SYN2: variants seen among roughly 807,000 people sequenced by gnomAD.
The protein encoded by SYN2 is synapsin-2.
A neutral mutation model predicts 50.9 loss-of-function variants in SYN2; 19 were observed. The ratio of observed to expected loss-of-function variants is 0.37; its 90% CI spans 0.26 to 0.55. SYN2 has a LOEUF of 0.55. SYN2 is among the 20% of genes least tolerant of loss of function. SYN2 has a pLI of 0.81. For missense variants in SYN2, 587 were observed against 576.4 expected (o/e 1.02, Z -0.19); for synonymous variants, 255 against 224.9 (o/e 1.13, Z -1.20).
chr3:12,050,340 A>ATTT (rs397877649), intron 1 of SYN2, among the ~76,000 whole-genome samples: 78 of 113,316 alleles, frequency 6.9e-4, no homozygotes, highest in African/African-American at 2.1e-3. Flanking sequence ...GTTTGGAATG[A>ATTT]TTTTTTTTTT....
At chr3:12,077,021 G>A (rs1695480927) in intron 1 of SYN2, among the ~76,000 whole-genome samples, 1 of 152,096 alleles carries the variant, frequency 6.6e-6, no homozygotes, top group Non-Finnish European at 1.5e-5. Context: ...GAGAAGTGTT[G>A]GAAGTGGAGT....
At chr3:12,158,267 A>G (rs1403001184) in intron 5 of SYN2, among the ~76,000 whole-genome samples, 1 of 152,202 alleles carries the variant, frequency 6.6e-6, no homozygotes, top group Non-Finnish European at 1.5e-5. Context: ...CAGAGGGAAG[A>G]GAAAGGACAG....
chr3:12,038,129 AT>A (rs1694539178), intron 1 of SYN2, among the ~76,000 whole-genome samples: 1 of 152,036 alleles, frequency 6.6e-6, no homozygotes, highest in South Asian at 2.1e-4. Context: ...GTGGATACCT[AT>A]TTTTCCCAGC....
chr3:12,116,411 CAA>C (rs940301196), intron 1 of SYN2, among the ~76,000 whole-genome samples: 9 of 152,148 alleles, frequency 5.9e-5, no homozygotes, highest in East Asian at 1.9e-4. Context: ...TGACCTGAAA[CAA>C]GAGTAACCAT....
chr3:12,154,720 A>G (rs1697405630), intron 5 of SYN2, among the ~76,000 whole-genome samples: 1 of 152,218 alleles, frequency 6.6e-6, no homozygotes, highest in African/African-American at 2.4e-5. Flanking sequence ...TGTGGTCTTT[A>G]AAGTCAAAGT....
chr3:12,122,844 T>A (rs962873830), intron 1 of SYN2, among the ~76,000 whole-genome samples: 3 of 151,648 alleles, frequency 2.0e-5, no homozygotes, highest in African/African-American at 7.3e-5. Flanking sequence ...TACTGTAAAA[T>A]TAATAGATTT....
intron 1 of SYN2, among the ~76,000 whole-genome samples, chr3:12,073,203 T>C (rs1368114270): frequency 6.6e-6 from 1 of 152,176 alleles, no homozygotes; most frequent in Admixed American, 6.5e-5. Flanking sequence ...CAAAAGTGTC[T>C]AGTGGCCCCT....
At chr3:12,101,158 A>G (rs1431357198) in intron 1 of SYN2, among the ~76,000 whole-genome samples, 1 of 152,214 alleles carries the variant, frequency 6.6e-6, no homozygotes, top group African/African-American at 2.4e-5. Context: ...GAAGATATAT[A>G]TCCACGCAAA....
intron 1 of SYN2, among the ~76,000 whole-genome samples, chr3:12,091,849 C>G (rs1249475028): frequency 6.6e-6 from 1 of 152,162 alleles, no homozygotes; most frequent in Non-Finnish European, 1.5e-5. Flanking sequence ...CAACTGTTTT[C>G]TATAAAGACT....
chr3:12,082,670 C>G (rs1052908263), intron 1 of SYN2, among the ~76,000 whole-genome samples: 1 of 152,134 alleles, frequency 6.6e-6, no homozygotes, highest in South Asian at 2.1e-4. Flanking sequence ...ATCCATTGCT[C>G]ACTGAAAACT....
intron 1 of SYN2, among the ~76,000 whole-genome samples, chr3:12,118,660 G>A (rs565927181): frequency 6.6e-6 from 1 of 152,138 alleles, no homozygotes; most frequent in African/African-American, 2.4e-5. Flanking sequence ...TTTTGGTAGA[G>A]TATGAAGAAG....
intron 1 of SYN2, among the ~76,000 whole-genome samples, chr3:12,058,413 A>C (rs1011867281): frequency 3.3e-5 from 5 of 152,232 alleles, no homozygotes; most frequent in African/African-American, 1.2e-4. Context: ...TATTCCAGTC[A>C]TTAACCTTTG....
At chr3:12,157,799 A>T (rs1029368172) in intron 5 of SYN2, among the ~76,000 whole-genome samples, 1 of 152,202 alleles carries the variant, frequency 6.6e-6, no homozygotes, top group African/African-American at 2.4e-5. Context: ...GTCAGAGTAG[A>T]GAAGGGAGGA....
chr3:12,167,158 A>C, intron 7 of SYN2, 76 bp from the exon 8 acceptor site: 1 of 1,482,110 alleles, frequency 6.7e-7, no homozygotes, highest in Non-Finnish European at 9.3e-7. Context: ...GTGAACTAAA[A>C]TTCTGGAAAG....
intron 1 of SYN2, among the ~76,000 whole-genome samples, chr3:12,036,431 C>G (rs1574901235): frequency 6.6e-6 from 1 of 152,156 alleles, no homozygotes; most frequent in African/African-American, 2.4e-5. Flanking sequence ...TGGATACCAC[C>G]AAGGTTTACC....
chr3:12,186,818 A>C (rs1422576558), intron 11 of SYN2, among the ~76,000 whole-genome samples: 3 of 152,200 alleles, frequency 2.0e-5, no homozygotes, highest in African/African-American at 7.2e-5. Context: ...ATTATCTTTG[A>C]AACACTACCC....
chr3:12,044,154 G>T (rs956192122), intron 1 of SYN2, among the ~76,000 whole-genome samples: 2 of 98,944 alleles, frequency 2.0e-5, no homozygotes, highest in African/African-American at 9.6e-5. Context: ...CCTTTAGAAG[G>T]CAAAGTTCTC....
intron 1 of SYN2, among the ~76,000 whole-genome samples, chr3:12,071,957 T>C (rs1454365147): frequency 9.9e-5 from 15 of 152,224 alleles, no homozygotes. Context: ...TTAATTTATG[T>C]AAGGTTTTTT....
intron 3 of SYN2, 92 bp downstream of exon 3, chr3:12,142,088 G>T: frequency 1.3e-6 from 1 of 746,990 alleles, no homozygotes; most frequent in Non-Finnish European, 2.5e-6. Context: ...AGGTGTTGGA[G>T]TGAGATAGCA....
Sources: allele counts gnomAD v4.1 joint callset (sites outside exome capture counted in the v4.1 genomes callset), GRCh38; gene constraint gnomAD v4.1.1; transcripts MANE v1.5; gene names NCBI Gene and HGNC (gene_info 2026-07-23, HGNC 2026-07-21).